The following TTLL11 variants were observed in gnomAD, a reference collection of about 807,000 sequenced individuals.
The protein encoded by TTLL11 is tubulin polyglutamylase TTLL11.
A neutral mutation model predicts 51.7 loss-of-function variants in TTLL11; 42 were observed. That is an observed-to-expected ratio of 0.81 (90% CI 0.64 to 1.05). The LOEUF is 1.05. Among genes scored for constraint, TTLL11 ranks in the 50% least tolerant of loss-of-function variants. TTLL11 has a pLI of 0.00. For synonymous variants in TTLL11, 381 were observed against 383.5 expected, an observed-to-expected ratio of 0.99 and a Z score of 0.08; for missense variants, 799 against 940.4, an observed-to-expected ratio of 0.85 and a Z score of 1.97.
intron 8 of TTLL11, among the ~76,000 whole-genome samples, chr9:121,846,809 A>T (rs1234992750): frequency 6.6e-6 from 1 of 152,222 alleles, no homozygotes; most frequent in South Asian, 2.1e-4. Context: ...AATTTATAGC[A>T]ATAGATTAGA....
At chr9:122,020,927 T>C (rs780227262) in intron 3 of TTLL11, among the ~76,000 whole-genome samples, 18 of 152,358 alleles carry the variant, frequency 1.2e-4, no homozygotes, top group Admixed American at 2.6e-4. Flanking sequence ...GTTTATGATA[T>C]TCAATTGTAG....
At chr9:121,868,536 C>A (rs1194795236) in intron 7 of TTLL11, among the ~76,000 whole-genome samples, 2 of 152,084 alleles carry the variant, frequency 1.3e-5, no homozygotes, top group Non-Finnish European at 2.9e-5. Context: ...TGGAACTCAA[C>A]CATGATGGCT....
intron 8 of TTLL11, among the ~76,000 whole-genome samples, chr9:121,828,372 G>A (rs539530847): frequency 5.9e-5 from 9 of 151,934 alleles, no homozygotes; most frequent in Admixed American, 2.0e-4. Context: ...TGGGGGTTTC[G>A]CCTTCTTGGC....
At chr9:122,011,789 T>C (rs1843798487) in intron 3 of TTLL11, among the ~76,000 whole-genome samples, 1 of 152,132 alleles carries the variant, frequency 6.6e-6, no homozygotes, top group South Asian at 2.1e-4. Context: ...TATGTCAAAA[T>C]AAAAAGCTAA....
intron 8 of TTLL11, among the ~76,000 whole-genome samples, chr9:121,856,145 C>T (rs1837810804): frequency 6.6e-6 from 1 of 152,190 alleles, no homozygotes; most frequent in Admixed American, 6.5e-5. Context: ...AATTGCAGCT[C>T]ACTGCAGCCT....
In TTLL11 at chr9:122,067,117, G is replaced by A. The variant is rs1449141064; in HGVS notation, c.462+25570C>T. The stretch of plus-strand genomic sequence containing the variant: ...CCATATCATAATGACATCAAGACTT[G>A]AGTTCAAATCCTAGTTCTGCATACC... On this transcript the variant is annotated intron_variant, in intron 1 of 8. Transcript: ENST00000321582. Among the ~76,000 whole-genome samples, 10 of 152,162 alleles carry A rather than the reference G, an allele frequency of 6.6e-5. No homozygotes were observed. The South Asian group carries it at 2.1e-3, about 31-fold the overall frequency.
At chr9:121,940,770 G>A (rs1047882262) in intron 6 of TTLL11, among the ~76,000 whole-genome samples, 1 of 152,168 alleles carries the variant, frequency 6.6e-6, no homozygotes, top group African/African-American at 2.4e-5. Context: ...TAGAGAGCAG[G>A]CTCCATAGGA....
chr9:121,832,458 A>G (rs915881214), intron 8 of TTLL11, among the ~76,000 whole-genome samples: 45 of 152,198 alleles, frequency 3.0e-4, no homozygotes, highest in Admixed American at 1.1e-3. Flanking sequence ...TTTAGCCCTC[A>G]TTATGTAGAA....
chr9:121,841,446 G>A (rs11789210), intron 8 of TTLL11, among the ~76,000 whole-genome samples: 1,886 of 152,292 alleles, frequency 0.012, 20 homozygotes, highest in Middle Eastern at 0.041. Context: ...CTGAGGCTGC[G>A]CTTATGTAAG....
chr9:121,968,600 A>G (rs1842473955), intron 6 of TTLL11, among the ~76,000 whole-genome samples: 1 of 152,126 alleles, frequency 6.6e-6, no homozygotes, highest in Non-Finnish European at 1.5e-5. Context: ...CTCTGTTGCC[A>G]GGCCGGAGTG....
At chr9:122,036,645 C>T (rs892506948) in intron 2 of TTLL11, among the ~76,000 whole-genome samples, 1 of 151,978 alleles carries the variant, frequency 6.6e-6, no homozygotes, top group Non-Finnish European at 1.5e-5. Flanking sequence ...TGTATATATC[C>T]GTTCTCAGTT....
intron 1 of TTLL11, among the ~76,000 whole-genome samples, chr9:122,086,296 A>G (rs548358845): frequency 6.6e-6 from 1 of 152,308 alleles, no homozygotes; most frequent in Non-Finnish European, 1.5e-5. Context: ...TCAAATAACA[A>G]TGGTAGTGAA....
In TTLL11 at chr9:122,092,724, G is replaced by T; in HGVS notation, c.425C>A (p.Ala142Asp). The change falls in exon 1 of 9, where the codon GCC (alanine) becomes GAC (aspartate). Residue 142 changes from alanine (A) to aspartate (D), a missense_variant. Physicochemically the swap from Ala to Asp is moderately radical, Grantham distance 126. Around this residue, in one of 3 missense-constraint regions of TTLL11, gnomAD observed 468 missense variants for 612.8 expected, o/e 0.76. Coordinates refer to ENST00000321582, the MANE Select transcript of TTLL11 (RefSeq NM_001139442.2). Reference sequence around the variant, plus strand: ...GAGCTGGCGGATGCTGATCTTCAGGGCATCCAGGGAGGTCCTGGCCTTGGA... The same window carrying T: ...GAGCTGGCGGATGCTGATCTTCAGGTCATCCAGGGAGGTCCTGGCCTTGGA... ...DSSKARTSLD[A>D]LKISIRQLKW... The T allele has an allele frequency of 1.3e-6, 2 of 1,537,868 alleles. No individual in the cohort carries two copies. The highest frequency in any genetic ancestry group is 8.7e-7 in the Non-Finnish European group (1 of 1,147,276).
intron 3 of TTLL11, among the ~76,000 whole-genome samples, chr9:122,025,868 C>A (rs573759631): frequency 6.6e-6 from 1 of 152,218 alleles, no homozygotes; most frequent in East Asian, 1.9e-4. Context: ...TTGTAACAGC[C>A]AGAAAACTGG....
intron 1 of TTLL11, among the ~76,000 whole-genome samples, chr9:122,077,670 C>T (rs1372355364): frequency 6.6e-6 from 1 of 151,690 alleles, no homozygotes; most frequent in Non-Finnish European, 1.5e-5. Context: ...AAATATTGGA[C>T]AAAAATCAGG....
chr9:121,858,558 C>T (rs1050693196), intron 8 of TTLL11, among the ~76,000 whole-genome samples: 5 of 152,210 alleles, frequency 3.3e-5, no homozygotes, highest in African/African-American at 1.2e-4. Context: ...GTCTGAGCGC[C>T]AGTGCCCTGC....
intron 8 of TTLL11, 21 bp downstream of exon 8, chr9:121,860,316 G>A: frequency 6.5e-7 from 1 of 1,538,708 alleles, no homozygotes; most frequent in South Asian, 1.2e-5. Context: ...ACAGGCCATG[G>A]CAGAGGCATT....
At chr9:121,997,056 G>A (rs1240903838) in intron 3 of TTLL11, among the ~76,000 whole-genome samples, 1 of 152,120 alleles carries the variant, frequency 6.6e-6, no homozygotes, top group East Asian at 1.9e-4. Context: ...CAGAAAACTT[G>A]AGGGGCAAGG....
intron 6 of TTLL11, among the ~76,000 whole-genome samples, chr9:121,929,022 A>C (rs1188731757): frequency 6.6e-6 from 1 of 152,212 alleles, no homozygotes; most frequent in Non-Finnish European, 1.5e-5. Context: ...TCTTTAGCCT[A>C]TCAGAGACAA....
Sources: allele counts gnomAD v4.1 joint callset (sites outside exome capture counted in the v4.1 genomes callset), GRCh38; gene constraint gnomAD v4.1.1; regional missense constraint gnomAD v4.1.1; transcripts MANE v1.5; gene names NCBI Gene and HGNC (gene_info 2026-07-23, HGNC 2026-07-21).